Variants in UTRN observed in about 807,000 individuals in gnomAD.
UTRN encodes the protein utrophin, also known as dystrophin-related protein 1.
Under a neutral mutation model 463.9 loss-of-function variants are expected in UTRN, and 283 were observed. The ratio of observed to expected loss-of-function variants is 0.61; its 90% CI spans 0.55 to 0.67. The LOEUF is 0.67. UTRN is among the 30% of genes least tolerant of loss of function. The pLI is 0.00. For missense variants in UTRN, 3,922 were observed against 4,084.3 expected (o/e 0.96, Z 1.08); for synonymous variants, 1,442 against 1,431.5 (o/e 1.01, Z -0.17).
intron 6 of UTRN, 133 bp downstream of exon 6, chr6:144,424,211 C>A: frequency 1.1e-6 from 1 of 930,482 alleles, no homozygotes; most frequent in Non-Finnish European, 1.6e-6. Context: ...TCTCCCAGTT[C>A]TGGAGGCCAG....
In UTRN at chr6:144,473,722, C is replaced by T. The variant is rs745388294; in HGVS notation, c.3069C>T (p.Ala1023=). 2.2e-5 allele frequency: 36 copies of T among 1,613,432 alleles called. No homozygotes were observed. The highest frequency in any genetic ancestry group is 6.6e-5 in the South Asian group (6 of 91,020). ...EIALTLRAFE[A]DSTVIEKWMD... ...CCTCTGTTATCATGTTCGATTAGGCCGATTCAACAGTCATTGAGAAGTGGA... is the reference window on the plus strand; with the variant it reads ...CCTCTGTTATCATGTTCGATTAGGCTGATTCAACAGTCATTGAGAAGTGGA... The change falls in exon 24 of 75, where the codon GCC becomes GCT. Residue 1023 remains alanine (A), a splice_region_variant and synonymous_variant. Transcript: ENST00000367545.
intron 9 of UTRN, among the ~76,000 whole-genome samples, chr6:144,432,497 A>G (rs1218709112): frequency 1.3e-5 from 2 of 152,208 alleles, no homozygotes; most frequent in African/African-American, 4.8e-5. Flanking sequence ...TTATGATGGC[A>G]TTACATTTTT....
intron 2 of UTRN, among the ~76,000 whole-genome samples, chr6:144,348,383 T>C (rs984536227): frequency 5.9e-5 from 9 of 152,224 alleles, no homozygotes; most frequent in African/African-American, 1.7e-4. Flanking sequence ...AGGAACGTTG[T>C]CATCTTTGTC....
intron 62 of UTRN, among the ~76,000 whole-genome samples, chr6:144,790,218 A>G (rs1003471024): frequency 1.3e-5 from 2 of 152,114 alleles, no homozygotes; most frequent in African/African-American, 2.4e-5. Flanking sequence ...ATATCTTTTG[A>G]TTTATTTTTG....
chr6:144,376,026 C>CA (rs1188879296), intron 2 of UTRN, among the ~76,000 whole-genome samples: 1 of 152,094 alleles, frequency 6.6e-6, no homozygotes, highest in African/African-American at 2.4e-5. Flanking sequence ...TTCACTCTGT[C>CA]ACCCAGGCTG....
rs529310741 is a variant in UTRN, at chr6:144,758,368, T to A, written c.8495+379T>A. ...TCAAAATACTCTTGACATAATGATA[T>A]TTGTCAAATTGTACAAATTCTAAAC... On this transcript the variant is annotated intron_variant, in intron 58 of 74. Transcript: ENST00000367545. 7.1e-5 allele frequency: 11 copies of A among 155,912 alleles called. No individual in the cohort carries two copies. The East Asian group carries it at 1.9e-3, about 26-fold the overall frequency. The allele number at this position is 155,912 out of a possible 1,614,324, so 9.7% of individuals were successfully genotyped here. A position where few individuals can be genotyped will look rare whatever the true frequency, so the allele number is the denominator to read the frequency against.
intron 33 of UTRN, 45 bp from the exon 34 acceptor site, chr6:144,499,212 A>C: frequency 1.9e-6 from 3 of 1,570,300 alleles, no homozygotes; most frequent in Non-Finnish European, 2.6e-6. Context: ...ATTTATGTTC[A>C]TTCCCATCTC....
chr6:144,451,466 C>G lies in UTRN; in HGVS notation c.2169C>G (p.Asp723Glu), dbSNP rs1472203230. The change falls in exon 18 of 75, where the codon GAC becomes GAG. Residue 723 changes from aspartate (D) to glutamate (E), a missense_variant. Transcript: ENST00000367545. ...TEIKEYMKMQ[D>E]TSEMKKKLKA... ...TAAAAGAGTATATGAAGATGCAAGACACTTCCGAAATGAAAAAGAAGTTGA... is the reference window on the plus strand; with the variant it reads ...TAAAAGAGTATATGAAGATGCAAGAGACTTCCGAAATGAAAAAGAAGTTGA... 1 of 1,611,390 alleles carries G rather than the reference C, an allele frequency of 6.2e-7. No homozygotes were observed.
At chr6:144,568,605 C>CT (rs1800644402) in intron 50 of UTRN, among the ~76,000 whole-genome samples, 1 of 152,030 alleles carries the variant, frequency 6.6e-6, no homozygotes, top group African/African-American at 2.4e-5. Flanking sequence ...GCTTCCCAAC[C>CT]TTTTTTGCGA....
chr6:144,756,100 T>G (rs548347677), intron 57 of UTRN, among the ~76,000 whole-genome samples: 1 of 152,264 alleles, frequency 6.6e-6, no homozygotes, highest in East Asian at 1.9e-4. Context: ...GGACACATTT[T>G]TAAAGTCCAG....
At chr6:144,799,546 A>G (rs9376859) in intron 64 of UTRN, 124,659 of 468,908 alleles carry the variant, frequency 0.27, 21,068 homozygotes, top group East Asian at 0.7. Flanking sequence ...ACATAGATGT[A>G]TGGGAGAGGG....
intron 2 of UTRN, among the ~76,000 whole-genome samples, chr6:144,397,719 T>C (rs1311676376): frequency 6.6e-6 from 1 of 152,094 alleles, no homozygotes; most frequent in East Asian, 1.9e-4. Flanking sequence ...GCATGAACCA[T>C]ACTTCATCTA....
intron 54 of UTRN, among the ~76,000 whole-genome samples, chr6:144,747,659 G>C (rs559169465): frequency 6.6e-6 from 1 of 152,226 alleles, no homozygotes; most frequent in South Asian, 2.1e-4. Context: ...TTGAAATCTT[G>C]CTATCTTCCT....
At chr6:144,559,097 ATTC>A (rs1326270544) in intron 50 of UTRN, among the ~76,000 whole-genome samples, 3 of 147,020 alleles carry the variant, frequency 2.0e-5, no homozygotes, top group South Asian at 2.2e-4. Flanking sequence ...AGCACCTCCA[ATTC>A]TTCTTCTTAT....
intron 52 of UTRN, among the ~76,000 whole-genome samples, chr6:144,688,497 ATT>A (rs1782981354): frequency 6.6e-6 from 1 of 152,104 alleles, no homozygotes; most frequent in Non-Finnish European, 1.5e-5. Flanking sequence ...GCAGAAAACT[ATT>A]TATTCTAATT....
chr6:144,522,183 G>A lies in UTRN; in HGVS notation c.5733+12G>A, dbSNP rs1298875435. On this transcript the variant is annotated intron_variant, in intron 40 of 74. Transcript: ENST00000367545. ...AAGACTCTCTGAAGGTAGACCTCTG[G>A]GCACTGTGTTTGAATGGCCACAGTT... The A allele has an allele frequency of 5.4e-6, 8 of 1,485,686 alleles. No homozygotes were observed. Among genetic ancestry groups the A allele is most frequent in the Non-Finnish European group, 7.2e-6 (8 of 1,117,626 alleles). The allele number at this position is 1,485,686 out of a possible 1,614,324, so 92.0% of individuals were successfully genotyped here. A position where few individuals can be genotyped will look rare whatever the true frequency, so the allele number is the denominator to read the frequency against.
rs528845931 is a variant in UTRN, at chr6:144,657,121, A to T, written c.7480-21285A>T. ...CAAAATTAGCCAGGCGTGGTGGCGC[A>T]TGCCTCTAATCCCAGCTACTCGGGA... On this transcript the variant is annotated intron_variant, in intron 51 of 74. Transcript: ENST00000367545. 3.9e-5 allele frequency among the ~76,000 whole-genome samples: 6 copies of T among 152,146 alleles called. No individual in the cohort carries two copies. The South Asian group carries it at 1.2e-3, about 32-fold the overall frequency.
chr6:144,519,459 G>A (rs1166280698), intron 39 of UTRN, among the ~76,000 whole-genome samples: 1 of 152,170 alleles, frequency 6.6e-6, no homozygotes, highest in Non-Finnish European at 1.5e-5. Flanking sequence ...GCTATATGAT[G>A]TGAGCTACGT....
chr6:144,475,091 T>C (rs1791054170), intron 25 of UTRN, among the ~76,000 whole-genome samples: 1 of 152,194 alleles, frequency 6.6e-6, no homozygotes, highest in Non-Finnish European at 1.5e-5. Flanking sequence ...CTGTCAAGCA[T>C]CATTCTAGGC....
Sources: allele counts gnomAD v4.1 joint callset (sites outside exome capture counted in the v4.1 genomes callset), GRCh38; gene constraint gnomAD v4.1.1; transcripts MANE v1.5; gene names NCBI Gene and HGNC (gene_info 2026-07-23, HGNC 2026-07-21).